MKNK1: variants seen among roughly 807,000 people sequenced by gnomAD.
The protein encoded by MKNK1 is MAPK interacting serine/threonine kinase 1, also known as MAP kinase-interacting serine/threonine-protein kinase 1.
A neutral mutation model predicts 49.3 loss-of-function variants in MKNK1; 30 were observed. That is an observed-to-expected ratio of 0.61 (90% CI 0.46 to 0.83). The LOEUF (loss-of-function observed/expected upper bound fraction) is 0.83. MKNK1 is among the 40% of genes least tolerant of loss of function. The pLI, the probability that MKNK1 is intolerant of heterozygous loss-of-function variation, is 0.00. For synonymous variants in MKNK1, 176 were observed against 201.7 expected, an observed-to-expected ratio of 0.87 and a Z score of 1.08; for missense variants, 423 against 524.7, an observed-to-expected ratio of 0.81 and a Z score of 1.89.
chr1:46,585,700 AG>A, intron 2 of MKNK1: 1 of 447,814 alleles, frequency 2.2e-6, no homozygotes, highest in South Asian at 1.7e-5. Context: ...TATAATTCAC[AG>A]GGGACACTCA....
At chr1:46,591,673 C>A (rs1673359705) in intron 2 of MKNK1, among the ~76,000 whole-genome samples, 1 of 152,196 alleles carries the variant, frequency 6.6e-6, no homozygotes, top group Non-Finnish European at 1.5e-5. Flanking sequence ...CCCCAAGCCC[C>A]TGTCTACCTT....
chr1:46,558,400 C>T lies in MKNK1; in HGVS notation c.*175G>A. ...ACCCCTTTGGAAAAAGCTTTTTCCTCCAGGACCCTAGGGAAATGGGGGTTG... is the reference window on the plus strand; with the variant it reads ...ACCCCTTTGGAAAAAGCTTTTTCCTTCAGGACCCTAGGGAAATGGGGGTTG... On this transcript the variant is annotated 3_prime_UTR_variant, in exon 13 of 13. Transcript: ENST00000371945. 2 of 631,800 alleles carry T rather than the reference C, an allele frequency of 3.2e-6. No homozygotes were observed. Among genetic ancestry groups the T allele is most frequent in the Non-Finnish European group, 5.2e-6 (2 of 385,324 alleles). 39.1% of individuals were successfully genotyped at this position (631,800 alleles called of 1,614,324 possible). A position where few individuals can be genotyped will look rare whatever the true frequency, so the allele number is the denominator to read the frequency against.
chr1:46,593,117 G>C (rs777550462), intron 2 of MKNK1, among the ~76,000 whole-genome samples: 31 of 152,084 alleles, frequency 2.0e-4, no homozygotes, highest in Non-Finnish European at 3.7e-4. Flanking sequence ...AAAACCTCTG[G>C]TGACAGTGTA....
In MKNK1 at chr1:46,558,567, G is replaced by A. The variant is rs201329348; in HGVS notation, c.*8C>T. 6.0e-3 allele frequency: 9,594 copies of A among 1,597,780 alleles called. 44 individuals carry two copies. The highest frequency in any genetic ancestry group is 7.4e-3 in the Middle Eastern group (44 of 5,928). ...GGCCTAGGGCCTATAAGGTGTGACT[G>A]GAGCATTTCAGAGTGCTGTGGGCGG... On this transcript the variant is annotated 3_prime_UTR_variant, in exon 13 of 13. Coordinates refer to ENST00000371945, the MANE Select transcript of MKNK1 (RefSeq NM_001135553.4).
Position 46,561,553 on chromosome 1 carries a change from G to A in MKNK1, c.894C>T (p.Ile298=). ...AHISSEAKDL[I]SKLLVRDAKQ... is the part of the protein sequence containing the mutation. ...TTGCATCTCGCACCAGGAGCTTGGA[G>A]ATGAGGTCTTTGGCTTCACTGGAGA... Residue 298 remains isoleucine (I), a synonymous_variant, in exon 11 of 13, where the codon ATC becomes ATT. Coordinates refer to ENST00000371945, the MANE Select transcript of MKNK1 (RefSeq NM_001135553.4). The A allele has an allele frequency of 6.2e-7, 1 of 1,614,238 alleles. No homozygotes were observed. Among genetic ancestry groups the A allele is most frequent in the Non-Finnish European group, 8.5e-7 (1 of 1,180,034 alleles).
chr1:46,569,078 C>T (rs962817582), intron 7 of MKNK1: 2 of 152,430 alleles, frequency 1.3e-5, no homozygotes, highest in African/African-American at 4.8e-5. Flanking sequence ...CGCTTTGGCA[C>T]CAGGATGCTG....
In MKNK1 at chr1:46,558,259, G is replaced by C. The variant is rs1667322683; in HGVS notation, c.*316C>G. ...CCAGCCGCCACAGCTACAGCGGTGA[G>C]AGCAGGCTGGATCCCAGATCTGCAG... On this transcript the variant is annotated 3_prime_UTR_variant, in exon 13 of 13. Coordinates refer to ENST00000371945, the MANE Select transcript of MKNK1 (RefSeq NM_001135553.4). 1.4e-5 allele frequency: 5 copies of C among 345,162 alleles called. No homozygotes were observed. The highest frequency in any genetic ancestry group is 2.1e-5 in the Non-Finnish European group (4 of 188,960). The allele number at this position is 345,162 out of a possible 1,614,324, so 21.4% of individuals were successfully genotyped here.
chr1:46,573,743 T>C (rs1313444719), intron 6 of MKNK1: 1 of 152,214 alleles, frequency 6.6e-6, no homozygotes. Context: ...CTTTTTTTTT[T>C]TTTTTTTTGA....
Position 46,589,525 on chromosome 1 carries a change from T to C in MKNK1, c.-3+4588A>G, listed in dbSNP as rs1279950210. ...CTCCATTCCTAGGCATACGTTTATC[T>C]TGTTTTCTCCATTAAAATAGGAATG... On this transcript the variant is annotated intron_variant, in intron 2 of 12. Coordinates refer to ENST00000371945, the MANE Select transcript of MKNK1 (RefSeq NM_001135553.4). This position sits in a 1 kb window ranked among gnomAD's most constrained non-coding sequence, Gnocchi z 4.3. 6.6e-6 allele frequency among the ~76,000 whole-genome samples: 1 copy of C among 152,222 alleles called. No homozygotes were observed. The highest frequency in any genetic ancestry group is 1.5e-5 in the Non-Finnish European group (1 of 68,038).
Position 46,561,650 on chromosome 1 carries a change from C to G in MKNK1, c.805-8G>C. 6.2e-7 allele frequency: 1 copy of G among 1,613,068 alleles called. No individual in the cohort carries two copies. Among genetic ancestry groups the G allele is most frequent in the Non-Finnish European group, 8.5e-7 (1 of 1,179,438 alleles). On this transcript the variant is annotated splice_region_variant and splice_polypyrimidine_tract_variant and intron_variant, in intron 10 of 12. Transcript: ENST00000371945. ...GCTTTCAAACAGCTTGTTCTAGGTACAAAAGATTCCTCCTGAGGCCACACT... is the reference window on the plus strand; with the variant it reads ...GCTTTCAAACAGCTTGTTCTAGGTAGAAAAGATTCCTCCTGAGGCCACACT...
At chr1:46,577,683 C>T (rs75933650) in intron 4 of MKNK1, among the ~76,000 whole-genome samples, 6,301 of 152,216 alleles carry the variant, frequency 0.041, 163 homozygotes, top group African/African-American at 0.079. Flanking sequence ...TCCTGTGATA[C>T]GGTGGGCTGC....
At chr1:46,595,453 T>A (rs1301780461) in intron 1 of MKNK1, among the ~76,000 whole-genome samples, 1 of 152,098 alleles carries the variant, frequency 6.6e-6, no homozygotes, top group Non-Finnish European at 1.5e-5. Context: ...TTCTTCCCTA[T>A]CAGATCACGT....
intron 5 of MKNK1, 95 bp downstream of exon 5, chr1:46,576,480 G>T: frequency 2.9e-6 from 3 of 1,024,944 alleles, no homozygotes; most frequent in Non-Finnish European, 4.6e-6. Context: ...AGGAGTGAGA[G>T]CTAAATGCTG....
chr1:46,594,976 G>A (rs1673870959), intron 1 of MKNK1: 1 of 238,846 alleles, frequency 4.2e-6, no homozygotes, highest in African/African-American at 2.4e-5. Context: ...GACAGAGCGA[G>A]GCACTCCTCT....
chr1:46,596,111 T>A (rs1392514983), intron 1 of MKNK1, among the ~76,000 whole-genome samples: 1 of 152,224 alleles, frequency 6.6e-6, no homozygotes, highest in Non-Finnish European at 1.5e-5. Context: ...CCCTTCTTGT[T>A]ACCTATGGTA....
In MKNK1 at chr1:46,575,725, T is replaced by G. The variant is rs545939386; in HGVS notation, c.279-705A>C. 5.9e-5 allele frequency: 9 copies of G among 152,296 alleles called. No individual in the cohort carries two copies. In the East Asian group the frequency reaches 1.7e-3, roughly 29 times the overall value. The allele number at this position is 152,296 out of a possible 1,614,324, so 9.4% of individuals were successfully genotyped here. A position where few individuals can be genotyped will look rare whatever the true frequency, so the allele number is the denominator to read the frequency against. ...CTTTTACAAAATAAAATAAACCAAG[T>G]AGAGTCTCTAATGCTGAACTAAGAA... On this transcript the variant is annotated intron_variant, in intron 5 of 12. Coordinates refer to ENST00000371945, the MANE Select transcript of MKNK1 (RefSeq NM_001135553.4).
rs144303744 is a variant in MKNK1, at chr1:46,564,876, G to A, written c.609+165C>T. ...TTCGTTAGCAACTAAGGGGTCAGGG[G>A]AGGCTTGAGAGCCACGAACACAGAG... is the stretch of plus-strand genomic sequence containing the variant. On this transcript the variant is annotated intron_variant, in intron 9 of 12. Transcript: ENST00000371945. Among the ~76,000 whole-genome samples the A allele has an allele frequency of 1.6e-3, 240 of 152,286 alleles. 3 individuals carry two copies. The highest frequency in any genetic ancestry group is 5.4e-3 in the African/African-American group (225 of 41,546).
At chr1:46,583,790 A>T (rs1342114051) in intron 2 of MKNK1, among the ~76,000 whole-genome samples, 2 of 152,144 alleles carry the variant, frequency 1.3e-5, no homozygotes, top group Non-Finnish European at 2.9e-5. Flanking sequence ...CAACATCGCT[A>T]TGGATGCACA....
At chr1:46,601,724 C>A (rs1674755704) in intron 1 of MKNK1, among the ~76,000 whole-genome samples, 1 of 152,222 alleles carries the variant, frequency 6.6e-6, no homozygotes, top group African/African-American at 2.4e-5. Flanking sequence ...CTGAACCTGA[C>A]AGCTCATAAA....
Sources: gnomAD v4.1 joint callset for allele counts (sites outside exome capture counted in the v4.1 genomes callset) on GRCh38, gnomAD v4.1.1 for gene constraint, Gnocchi (gnomAD v3.1) non-coding constraint, MANE v1.5 for transcripts, NCBI Gene and HGNC (gene_info 2026-07-23, HGNC 2026-07-21) for gene names.